KIRREL3: variants seen among roughly 807,000 people sequenced by gnomAD.
KIRREL3 encodes kirre like nephrin family adhesion molecule 3, also known as kin of IRRE-like protein 3.
In KIRREL3, 36 loss-of-function variants were observed where a neutral mutation model predicts 89.7. That is an observed-to-expected ratio of 0.40 (90% CI 0.31 to 0.53). The LOEUF (loss-of-function observed/expected upper bound fraction) is 0.53. KIRREL3 is among the 20% of genes least tolerant of loss of function. The pLI, the probability that KIRREL3 is intolerant of heterozygous loss-of-function variation, is 0.49. For synonymous variants in KIRREL3, 445 were observed against 441.4 expected (o/e 1.01, Z -0.10); for missense variants, 864 against 1,056.6 (o/e 0.82, Z 2.53).
At position 126,860,212 on chromosome 11, in the gene KIRREL3, G is replaced by T. The variant is rs1418015694; in HGVS notation, c.55+140243C>A. Among the ~76,000 whole-genome samples the T allele has an allele frequency of 6.6e-6, 1 of 152,164 alleles. No homozygotes were observed. Among genetic ancestry groups the T allele is most frequent in the South Asian group, 2.1e-4 (1 of 4,818 alleles). On this transcript the variant is annotated intron_variant, in intron 1 of 16. Coordinates refer to ENST00000525144, the MANE Select transcript of KIRREL3 (RefSeq NM_032531.4). The surrounding 1 kb of genome is among the most constrained non-coding windows in gnomAD (Gnocchi z 4.6). ...GATGTGCCCGTTGCTGGTACTTGGT[G>T]CTGGGAATATAAAAGATAAGTTCTC...
intron 5 of KIRREL3, 69 bp downstream of exon 5, chr11:126,473,239 CA>C (rs1275198465): frequency 1.1e-6 from 1 of 935,774 alleles, no homozygotes; most frequent in Non-Finnish European, 1.4e-6. Context: ...ACTCCCTGTC[CA>C]CCTAGCCCCC....
At chr11:126,470,636 G>A (rs1001600119) in intron 5 of KIRREL3, among the ~76,000 whole-genome samples, 10 of 152,188 alleles carry the variant, frequency 6.6e-5, no homozygotes, top group African/African-American at 2.2e-4. Flanking sequence ...GAACCAGGCC[G>A]TGTATTTCCC....
At position 126,766,502 on chromosome 11, in the gene KIRREL3, C is replaced by G. The variant is rs969760877; in HGVS notation, c.56-203590G>C. On this transcript the variant is annotated intron_variant, in intron 1 of 16. Transcript: ENST00000525144. This position sits in a 1 kb window ranked among gnomAD's most constrained non-coding sequence, Gnocchi z 4.2. The stretch of plus-strand genomic sequence containing the variant: ...TCTATTAAAAAGGTAAGTGAGCACA[C>G]AACCGCGTGTTGCTAACTCGGCAAA... Among the ~76,000 whole-genome samples, 2 of 152,180 alleles carry G rather than the reference C, an allele frequency of 1.3e-5. No homozygotes were observed. The highest frequency in any genetic ancestry group is 1.3e-4 in the Admixed American group (2 of 15,276).
At chr11:126,618,637 G>A (rs1789932164) in intron 1 of KIRREL3, among the ~76,000 whole-genome samples, 1 of 152,208 alleles carries the variant, frequency 6.6e-6, no homozygotes, top group Admixed American at 6.5e-5. Flanking sequence ...GTTGCGCCAT[G>A]TTGGCCAGGC....
chr11:126,607,802 G>A lies in KIRREL3; in HGVS notation c.56-44890C>T, dbSNP rs1942949319. Among the ~76,000 whole-genome samples the A allele has an allele frequency of 6.6e-6, 1 of 152,166 alleles. No homozygotes were observed. The highest frequency in any genetic ancestry group is 1.5e-5 in the Non-Finnish European group (1 of 68,026). On this transcript the variant is annotated intron_variant, in intron 1 of 16. Transcript: ENST00000525144. This position sits in a 1 kb window ranked among gnomAD's most constrained non-coding sequence, Gnocchi z 6.6. ...GGGCCGAGTTGCTTAGCCCTGCAGG[G>A]TACACAGATGAATAGGGAGCGTTGC... is the stretch of plus-strand genomic sequence containing the variant.
rs957071328 is a variant in KIRREL3, at chr11:126,606,992, C to T, written c.56-44080G>A. 2.0e-5 allele frequency among the ~76,000 whole-genome samples: 3 copies of T among 152,080 alleles called. No homozygotes were observed. Among genetic ancestry groups the T allele is most frequent in the East Asian group, 1.9e-4 (1 of 5,184 alleles). On this transcript the variant is annotated intron_variant, in intron 1 of 16. Transcript: ENST00000525144. The surrounding 1 kb of genome is among the most constrained non-coding windows in gnomAD (Gnocchi z 4.6). ...CTTTGGAACCTGCCTATCACATGGC[C>T]GGGTATTCCAGGGTTTTTAAATTGC...
chr11:126,603,544 G>T (rs1292774987), intron 1 of KIRREL3, among the ~76,000 whole-genome samples: 1 of 152,254 alleles, frequency 6.6e-6, no homozygotes, highest in Non-Finnish European at 1.5e-5. Flanking sequence ...CCCCTGTCTG[G>T]TCCTCACCTC....
At position 126,687,822 on chromosome 11, in the gene KIRREL3, C is replaced by T. The variant is rs1429811931; in HGVS notation, c.56-124910G>A. On this transcript the variant is annotated intron_variant, in intron 1 of 16. Coordinates refer to ENST00000525144, the MANE Select transcript of KIRREL3 (RefSeq NM_032531.4). The surrounding 1 kb of genome is among the most constrained non-coding windows in gnomAD (Gnocchi z 4.6). ...GGCAAAGAGAGATGCGGTGAAATGG[C>T]CATGGGAGCACAGCCTTGAAGAGAC... Among the ~76,000 whole-genome samples the T allele has an allele frequency of 6.6e-6, 1 of 152,144 alleles. No individual in the cohort carries two copies. The highest frequency in any genetic ancestry group is 1.5e-5 in the Non-Finnish European group (1 of 68,030).
intron 1 of KIRREL3, among the ~76,000 whole-genome samples, chr11:126,658,799 T>C (rs192819056): frequency 6.6e-6 from 1 of 152,242 alleles, no homozygotes. Flanking sequence ...TTGGTTAATC[T>C]ACTGAAAGTA....
chr11:126,947,491 A>G (rs1466873902), intron 1 of KIRREL3, among the ~76,000 whole-genome samples: 1 of 152,192 alleles, frequency 6.6e-6, no homozygotes, highest in East Asian at 1.9e-4. Flanking sequence ...GCGGATTTAG[A>G]AACTGGACAG....
At chr11:126,506,669 A>G (rs1958025005) in intron 4 of KIRREL3, among the ~76,000 whole-genome samples, 1 of 152,244 alleles carries the variant, frequency 6.6e-6, no homozygotes, top group Non-Finnish European at 1.5e-5. Flanking sequence ...TAACAAGTTG[A>G]GCATAAACTT....
chr11:126,639,541 A>AACCACC lies in KIRREL3; in HGVS notation c.56-76635_56-76630dup, dbSNP rs1944391487. Among the ~76,000 whole-genome samples, 1 of 152,206 alleles carries AACCACC rather than the reference A, an allele frequency of 6.6e-6. No homozygotes were observed. The highest frequency in any genetic ancestry group is 1.5e-5 in the Non-Finnish European group (1 of 68,034). ...AGAGTTAAGAAGGCAGATGCTAACC[A>AACCACC]ACCACCAATTGCATCCCAGGACAGT... On this transcript the variant is annotated intron_variant, in intron 1 of 16. Coordinates refer to ENST00000525144, the MANE Select transcript of KIRREL3 (RefSeq NM_032531.4). This position sits in a 1 kb window ranked among gnomAD's most constrained non-coding sequence, Gnocchi z 4.3.
In KIRREL3 at chr11:126,892,876, A is replaced by T. The variant is rs1264769384; in HGVS notation, c.55+107579T>A. On this transcript the variant is annotated intron_variant, in intron 1 of 16. Coordinates refer to ENST00000525144, the MANE Select transcript of KIRREL3 (RefSeq NM_032531.4). The surrounding 1 kb of genome is among the most constrained non-coding windows in gnomAD (Gnocchi z 5.4). The stretch of plus-strand genomic sequence containing the variant: ...TCGGGTAGAGCTTATCTAGTGGATG[A>T]ACCTGCTCCTAGACACAGAGCACTG... 2.6e-5 allele frequency among the ~76,000 whole-genome samples: 4 copies of T among 152,180 alleles called. No homozygotes were observed. Among genetic ancestry groups the T allele is most frequent in the Admixed American group, 1.3e-4 (2 of 15,278 alleles).
At position 126,642,985 on chromosome 11, in the gene KIRREL3, CCCAT is replaced by C. The variant is rs372066492; in HGVS notation, c.56-80077_56-80074del. On this transcript the variant is annotated intron_variant, in intron 1 of 16. Coordinates refer to ENST00000525144, the MANE Select transcript of KIRREL3 (RefSeq NM_032531.4). The surrounding 1 kb of genome is among the most constrained non-coding windows in gnomAD (Gnocchi z 4.9). ...GGTACTTTGGCCTCCCTTCTTCCCT[CCCAT>C]CCATCCATCCATCCATCCATCCATC... Among the ~76,000 whole-genome samples, 2,746 of 150,730 alleles carry C rather than the reference CCCAT, an allele frequency of 0.018. 37 individuals are homozygous for C. The highest frequency in any genetic ancestry group is 0.058 in the East Asian group (295 of 5,102).
At position 126,879,083 on chromosome 11, in the gene KIRREL3, A is replaced by T. The variant is rs1389889434; in HGVS notation, c.55+121372T>A. Among the ~76,000 whole-genome samples the T allele has an allele frequency of 1.3e-5, 2 of 152,248 alleles. No homozygotes were observed. Among genetic ancestry groups the T allele is most frequent in the African/African-American group, 2.4e-5 (1 of 41,464 alleles). ...GGCATTACTCTGCAGGCCAACCGGC[A>T]ATTACAATGGCATCTTTCTTCCCAT... On this transcript the variant is annotated intron_variant, in intron 1 of 16. Coordinates refer to ENST00000525144, the MANE Select transcript of KIRREL3 (RefSeq NM_032531.4). The surrounding 1 kb of genome is among the most constrained non-coding windows in gnomAD (Gnocchi z 5.4).
chr11:126,973,976 C>A (rs78611746), intron 1 of KIRREL3, among the ~76,000 whole-genome samples: 1 of 152,236 alleles, frequency 6.6e-6, no homozygotes, highest in African/African-American at 2.4e-5. Flanking sequence ...GTTCCAAGGG[C>A]AAGACTAGGG....
chr11:126,925,512 C>T (rs1318603223), intron 1 of KIRREL3, among the ~76,000 whole-genome samples: 2 of 152,196 alleles, frequency 1.3e-5, no homozygotes, highest in African/African-American at 4.8e-5. Flanking sequence ...TCGAGCTGAG[C>T]TCAGTATGAG....
At chr11:126,902,648 C>T (rs1946418616) in intron 1 of KIRREL3, among the ~76,000 whole-genome samples, 1 of 152,232 alleles carries the variant, frequency 6.6e-6, no homozygotes, top group African/African-American at 2.4e-5. Flanking sequence ...CCCTCTCCTC[C>T]AGAGTCCACA....
chr11:126,680,791 C>T (rs979762700), intron 1 of KIRREL3, among the ~76,000 whole-genome samples: 1 of 150,898 alleles, frequency 6.6e-6, no homozygotes, highest in African/African-American at 2.4e-5. Flanking sequence ...AATTTTAAGG[C>T]ACTGATTCTA....
Sources: gnomAD v4.1 joint callset for allele counts (sites outside exome capture counted in the v4.1 genomes callset) on GRCh38, gnomAD v4.1.1 for gene constraint, Gnocchi (gnomAD v3.1) non-coding constraint, MANE v1.5 for transcripts, NCBI Gene and HGNC (gene_info 2026-07-23, HGNC 2026-07-21) for gene names.